MYCBP2: variants seen among roughly 807,000 people sequenced by gnomAD.
The protein encoded by MYCBP2 is E3 ubiquitin-protein ligase MYCBP2.
A neutral mutation model predicts 525.3 loss-of-function variants in MYCBP2; 120 were observed. That is an observed-to-expected ratio of 0.23 (90% confidence interval 0.20 to 0.27). The LOEUF (loss-of-function observed/expected upper bound fraction) is 0.27. MYCBP2 is among the 10% of genes least tolerant of loss of function. The pLI, the probability that MYCBP2 is intolerant of heterozygous loss-of-function variation, is 1.00. For missense variants in MYCBP2, 4,149 were observed against 5,657.1 expected (o/e 0.73, Z 8.55); for synonymous variants, 1,894 against 1,955.8 (o/e 0.97, Z 0.83).
At chr13:77,203,569 A>G (rs965278906) in intron 26 of MYCBP2, among the ~76,000 whole-genome samples, 2 of 152,202 alleles carry the variant, frequency 1.3e-5, no homozygotes, top group African/African-American at 4.8e-5. Flanking sequence ...TGGAACCAAA[A>G]AAGAGCCCGC....
At chr13:77,283,594 C>T (rs1442974726) in intron 3 of MYCBP2, among the ~76,000 whole-genome samples, 3 of 152,070 alleles carry the variant, frequency 2.0e-5, no homozygotes, top group Non-Finnish European at 4.4e-5. Flanking sequence ...GACTTCTAAG[C>T]GTTACTATTT....
At chr13:77,213,735 G>A (rs2154284705) in intron 21 of MYCBP2, among the ~76,000 whole-genome samples, 1 of 152,294 alleles carries the variant, frequency 6.6e-6, no homozygotes, top group South Asian at 2.1e-4. Flanking sequence ...TGCTGGGACT[G>A]GAGGACAATG....
chr13:77,186,138 T>A lies in MYCBP2; in HGVS notation c.4252-75A>T, dbSNP rs528677729. The A allele has an allele frequency of 4.9e-4, 535 of 1,096,970 alleles. No individual in the cohort carries two copies. In the Middle Eastern group the frequency reaches 0.01, roughly 21 times the overall value. 68.0% of individuals were successfully genotyped at this position (1,096,970 alleles called of 1,614,324 possible). A position where few individuals can be genotyped will look rare whatever the true frequency, so the allele number is the denominator to read the frequency against. On this transcript the variant is annotated intron_variant, in intron 30 of 82. Transcript: ENST00000544440. ...TAAACGGAATCAAATGGAAAGGCAA[T>A]GGTAGACAACTTCAAAACTTTCTTT...
intron 8 of MYCBP2, 112 bp downstream of exon 8, chr13:77,267,729 C>G: frequency 1.2e-6 from 1 of 824,396 alleles, no homozygotes; most frequent in South Asian, 1.6e-5. Context: ...TTTTAAAACC[C>G]TTTTATAAGC....
In MYCBP2 at chr13:77,058,650, G is replaced by A. The variant is rs1013189663; in HGVS notation, c.13141-244C>T. ...CTCTCTATAAAGGGAATGCTGATAA[G>A]TGAATTATAATTTCATATTTGTCAT... On this transcript the variant is annotated intron_variant, in intron 77 of 82. Transcript: ENST00000544440. The surrounding 1 kb of genome is among the most constrained non-coding windows in gnomAD (Gnocchi z 4.1). 6.6e-6 allele frequency among the ~76,000 whole-genome samples: 1 copy of A among 151,840 alleles called. No homozygotes were observed. Among genetic ancestry groups the A allele is most frequent in the African/African-American group, 2.4e-5 (1 of 41,312 alleles).
Position 77,225,560 on chromosome 13 carries a change from A to G in MYCBP2, c.2738-6T>C, listed in dbSNP as rs2066140595. 1.2e-6 allele frequency: 2 copies of G among 1,613,162 alleles called. No individual in the cohort carries two copies. Among genetic ancestry groups the G allele is most frequent in the Non-Finnish European group, 1.7e-6 (2 of 1,179,486 alleles). On this transcript the variant is annotated splice_region_variant and splice_polypyrimidine_tract_variant and intron_variant, in intron 18 of 82. Coordinates refer to ENST00000544440, the MANE Select transcript of MYCBP2 (RefSeq NM_015057.5). The stretch of plus-strand genomic sequence containing the variant: ...GCCTCTTTCTCCACTTCCATCTGCA[A>G]GTGTTATAATTTGTGAATTATGATT...
intron 67 of MYCBP2, 91 bp from the exon 68 acceptor site, chr13:77,076,940 T>C (rs897944356): frequency 9.5e-6 from 11 of 1,160,996 alleles, no homozygotes; most frequent in East Asian, 9.4e-5. Flanking sequence ...GCAGGTTTTA[T>C]AATATGCTAC....
At chr13:77,107,646 G>T (rs1026461690) in intron 55 of MYCBP2, among the ~76,000 whole-genome samples, 2 of 152,126 alleles carry the variant, frequency 1.3e-5, no homozygotes. Flanking sequence ...GCAGAGGTGG[G>T]AGGATCACTA....
intron 52 of MYCBP2, chr13:77,129,007 G>A (rs540154824): frequency 2.1e-5 from 8 of 386,698 alleles, no homozygotes; most frequent in Non-Finnish European, 3.2e-5. Flanking sequence ...TTTGGCAGGA[G>A]TGAGAAAACT....
chr13:77,270,939 T>C (rs1203822207), intron 5 of MYCBP2, among the ~76,000 whole-genome samples: 1 of 152,146 alleles, frequency 6.6e-6, no homozygotes, highest in Non-Finnish European at 1.5e-5. Flanking sequence ...CTCTTTATCT[T>C]TCAGTTCACC....
chr13:77,226,865 C>T (rs1418891807), intron 18 of MYCBP2, among the ~76,000 whole-genome samples: 2 of 152,090 alleles, frequency 1.3e-5, no homozygotes, highest in South Asian at 2.1e-4. Context: ...TTACTGGAAA[C>T]GTCTTAATCA....
At chr13:77,137,368 G>T (rs2053914779) in intron 52 of MYCBP2, among the ~76,000 whole-genome samples, 1 of 152,114 alleles carries the variant, frequency 6.6e-6, no homozygotes, top group Non-Finnish European at 1.5e-5. Context: ...AATGAGCAAA[G>T]AAATCAGAGA....
At chr13:77,213,515 T>C (rs2064339920) in intron 21 of MYCBP2, among the ~76,000 whole-genome samples, 1 of 152,050 alleles carries the variant, frequency 6.6e-6, no homozygotes, top group African/African-American at 2.4e-5. Context: ...GCAAAATATA[T>C]CATATTCAGG....
At chr13:77,115,892 C>A (rs981329235) in intron 55 of MYCBP2, among the ~76,000 whole-genome samples, 1 of 151,272 alleles carries the variant, frequency 6.6e-6, no homozygotes, top group Non-Finnish European at 1.5e-5. Flanking sequence ...TCAATCTGAA[C>A]AAAGCTAATA....
At position 77,095,381 on chromosome 13, in the gene MYCBP2, A is replaced by G. The variant is rs1352593317; in HGVS notation, c.10176T>C (p.Cys3392=). The G allele has an allele frequency of 6.2e-7, 1 of 1,613,290 alleles. No homozygotes were observed. Among genetic ancestry groups the G allele is most frequent in the African/African-American group, 1.3e-5 (1 of 74,874 alleles). The stretch of plus-strand genomic sequence containing the variant: ...ACCTAGCTAATGTCTGCAGGTAGAG[A>G]CAAGGCATTTTCACAGGAAGATCCT... The part of the protein sequence containing the change: ...ISEDLPVKMP[C]LYLQTLARHH... Residue 3392 remains cysteine, a synonymous_variant, in exon 58 of 83, where the codon TGT becomes TGC. Coordinates refer to ENST00000544440, the MANE Select transcript of MYCBP2 (RefSeq NM_015057.5).
At chr13:77,074,788 T>C (rs2042002474) in intron 68 of MYCBP2, among the ~76,000 whole-genome samples, 3 of 152,234 alleles carry the variant, frequency 2.0e-5, no homozygotes, top group Admixed American at 2.0e-4. Context: ...TCCATTTATA[T>C]GACATCCAGG....
rs1343757241 is a variant in MYCBP2, at chr13:77,126,548, A to C, written c.7660-6T>G. On this transcript the variant is annotated splice_region_variant and splice_polypyrimidine_tract_variant and intron_variant, in intron 52 of 82. Coordinates refer to ENST00000544440, the MANE Select transcript of MYCBP2 (RefSeq NM_015057.5). ...TCAGTATTAGTTTTAGATTCCTGAA[A>C]ATTTGAATAGGAAAGAAAAATAAAC... The C allele has an allele frequency of 1.2e-6, 2 of 1,606,058 alleles. No individual in the cohort carries two copies. Among genetic ancestry groups the C allele is most frequent in the Non-Finnish European group, 1.7e-6 (2 of 1,175,034 alleles).
At position 77,093,153 on chromosome 13, in the gene MYCBP2, G is replaced by T. The variant is rs998743733; in HGVS notation, c.10367+12C>A. 6.2e-7 allele frequency: 1 copy of T among 1,601,838 alleles called. No homozygotes were observed. The highest frequency in any genetic ancestry group is 2.2e-5 in the East Asian group (1 of 44,514). On this transcript the variant is annotated intron_variant, in intron 59 of 82. Transcript: ENST00000544440. ...CACTAGCTATTCAACAGACAGGAGA[G>T]AACTAAAATACCTTGGTGGCATAGA...
chr13:77,197,675 G>A (rs2061901288), intron 26 of MYCBP2, among the ~76,000 whole-genome samples: 1 of 152,044 alleles, frequency 6.6e-6, no homozygotes, highest in Non-Finnish European at 1.5e-5. Context: ...GTGGCCAGGT[G>A]GAAGGGGATG....
Sources: allele counts gnomAD v4.1 joint callset (sites outside exome capture counted in the v4.1 genomes callset), GRCh38; gene constraint gnomAD v4.1.1; non-coding constraint Gnocchi (gnomAD v3.1); transcripts MANE v1.5; gene names NCBI Gene and HGNC (gene_info 2026-07-23, HGNC 2026-07-21).